The following EPB41L2 variants were observed in gnomAD, a reference collection of about 807,000 sequenced individuals.
EPB41L2 encodes band 4.1-like protein 2.
A neutral mutation model predicts 113.0 loss-of-function variants in EPB41L2; 43 were observed. The ratio of observed to expected loss-of-function variants is 0.38; its 90% CI spans 0.30 to 0.49. The LOEUF is 0.49. EPB41L2 is among the 20% of genes least tolerant of loss of function. The pLI is 0.95. For missense variants in EPB41L2, 1,147 were observed against 1,223.4 expected, an observed-to-expected ratio of 0.94 and a Z score of 0.93; for synonymous variants, 442 against 436.7, an observed-to-expected ratio of 1.01 and a Z score of -0.15.
chr6:130,943,215 A>G (rs1811513911), intron 3 of EPB41L2, among the ~76,000 whole-genome samples: 1 of 152,224 alleles, frequency 6.6e-6, no homozygotes, highest in Non-Finnish European at 1.5e-5. Flanking sequence ...TCCCACCAAC[A>G]GTGTAAAAGC....
intron 19 of EPB41L2, among the ~76,000 whole-genome samples, chr6:130,846,052 A>G (rs988022082): frequency 6.6e-6 from 1 of 152,202 alleles, no homozygotes; most frequent in Admixed American, 6.5e-5. Flanking sequence ...AAGAGAAACA[A>G]TTGACAGTAC....
chr6:130,867,379 A>T, intron 16 of EPB41L2, 80 bp downstream of exon 16: 11 of 1,542,604 alleles, frequency 7.1e-6, no homozygotes, highest in Non-Finnish European at 9.6e-6. Context: ...AAACATGTAA[A>T]CTAAGAGAAG....
At chr6:130,867,749 A>G in intron 15 of EPB41L2, 168 bp from the exon 16 acceptor site, 3 of 811,902 alleles carry the variant, frequency 3.7e-6, no homozygotes, top group Middle Eastern at 3.7e-4. Flanking sequence ...TAAAAGAAAA[A>G]TTTTCCTTCA....
chr6:130,965,647 A>T (rs1190693377), intron 1 of EPB41L2, among the ~76,000 whole-genome samples: 1 of 79,274 alleles, frequency 1.3e-5, no homozygotes, highest in Non-Finnish European at 3.8e-5. Context: ...CAGTTATCAA[A>T]AAAAAAAAAA....
At chr6:130,980,719 G>A (rs139545141) in intron 1 of EPB41L2, among the ~76,000 whole-genome samples, 2 of 152,206 alleles carry the variant, frequency 1.3e-5, no homozygotes, top group African/African-American at 2.4e-5. Context: ...ACTCTGAAAC[G>A]GGGCAGTTGT....
At chr6:130,990,541 C>T (rs1327880774) in intron 1 of EPB41L2, among the ~76,000 whole-genome samples, 1 of 151,992 alleles carries the variant, frequency 6.6e-6, no homozygotes, top group African/African-American at 2.4e-5. Context: ...AGAATCAATT[C>T]CAGTCTATGT....
chr6:131,012,624 A>G lies in EPB41L2; in HGVS notation c.-15+50531T>C, dbSNP rs978648041. ...TGGTCTACTGCCTGCATTTTAATGA[A>G]AAGCCAATAGATATCCCCAATAGAA... On this transcript the variant is annotated intron_variant, in intron 1 of 19. Transcript: ENST00000337057. Among the ~76,000 whole-genome samples, 30 of 151,756 alleles carry G rather than the reference A, an allele frequency of 2.0e-4. 1 individual carries two copies. The highest frequency in any genetic ancestry group is 4.3e-4 in the Non-Finnish European group (29 of 67,978).
At chr6:130,946,079 A>G (rs1006274643) in intron 3 of EPB41L2, among the ~76,000 whole-genome samples, 2 of 152,162 alleles carry the variant, frequency 1.3e-5, no homozygotes, top group African/African-American at 4.8e-5. Flanking sequence ...AAATCTTCAA[A>G]GTTTTTTCGA....
chr6:131,028,210 C>A (rs1562762846), intron 1 of EPB41L2, among the ~76,000 whole-genome samples: 1 of 152,156 alleles, frequency 6.6e-6, no homozygotes, highest in Non-Finnish European at 1.5e-5. Context: ...CTGGAGTGGA[C>A]AAAATGATTA....
At chr6:130,981,381 T>C (rs1779346940) in intron 1 of EPB41L2, among the ~76,000 whole-genome samples, 4 of 152,154 alleles carry the variant, frequency 2.6e-5, no homozygotes, top group Admixed American at 2.0e-4. Context: ...TTTTATTAGA[T>C]ACAATACCTA....
chr6:130,961,275 A>C (rs935139950), intron 1 of EPB41L2, among the ~76,000 whole-genome samples: 3 of 152,226 alleles, frequency 2.0e-5, no homozygotes, highest in Non-Finnish European at 4.4e-5. Flanking sequence ...TGGTTTTGAC[A>C]CAATTACCAT....
intron 1 of EPB41L2, among the ~76,000 whole-genome samples, chr6:131,047,098 T>C (rs940957623): frequency 1.3e-5 from 2 of 152,154 alleles, no homozygotes; most frequent in Non-Finnish European, 2.9e-5. Flanking sequence ...AGTGCCTCAG[T>C]TTTCTTATAG....
chr6:131,007,926 G>C (rs1785972086), intron 1 of EPB41L2, among the ~76,000 whole-genome samples: 1 of 152,200 alleles, frequency 6.6e-6, no homozygotes, highest in Admixed American at 6.5e-5. Flanking sequence ...ATGTTTAAAA[G>C]GGAAGCAGAG....
intron 10 of EPB41L2, among the ~76,000 whole-genome samples, chr6:130,890,692 T>C (rs1792551505): frequency 6.6e-6 from 1 of 152,176 alleles, no homozygotes; most frequent in African/African-American, 2.4e-5. Context: ...TGAATAATGT[T>C]CTTCTCCACC....
intron 14 of EPB41L2, among the ~76,000 whole-genome samples, chr6:130,875,174 G>A (rs1028799996): frequency 6.6e-6 from 1 of 152,106 alleles, no homozygotes. Flanking sequence ...CCTGCTACGT[G>A]TTCTGATGAA....
At chr6:130,937,272 A>C (rs1214608469) in intron 3 of EPB41L2, among the ~76,000 whole-genome samples, 2 of 152,192 alleles carry the variant, frequency 1.3e-5, no homozygotes, top group Non-Finnish European at 2.9e-5. Context: ...ATTGCCCTAA[A>C]AACCCTAAAA....
chr6:131,016,710 T>G (rs1199684828), intron 1 of EPB41L2, among the ~76,000 whole-genome samples: 2 of 152,136 alleles, frequency 1.3e-5, no homozygotes, highest in Admixed American at 1.3e-4. Context: ...CTCGGGAGGC[T>G]GAGGCACGAG....
rs17059739 is a variant in EPB41L2 at position 130,871,240 on chromosome 6, C to T, written c.2044-1114G>A. 0.02 allele frequency among the ~76,000 whole-genome samples: 3,023 copies of T among 152,166 alleles called. 194 individuals carry two copies. The East Asian group carries it at 0.26, about 13-fold the overall frequency. On this transcript the variant is annotated intron_variant, in intron 14 of 19. Transcript: ENST00000337057. ...TTTTTGTACAGAGGGGTTTTTAAAG[C>T]TTCACATTTTTCTCACACTTACAAA...
At chr6:130,925,288 A>C (rs1804325227) in intron 4 of EPB41L2, among the ~76,000 whole-genome samples, 1 of 147,968 alleles carries the variant, frequency 6.8e-6, no homozygotes, top group South Asian at 2.1e-4. Flanking sequence ...TCCTGGGTTC[A>C]AGTGATTCTC....
Sources: allele counts gnomAD v4.1 joint callset (sites outside exome capture counted in the v4.1 genomes callset), GRCh38; gene constraint gnomAD v4.1.1; transcripts MANE v1.5; gene names NCBI Gene and HGNC (gene_info 2026-07-23, HGNC 2026-07-21).